Variants in SLC25A26 observed in about 807,000 individuals in gnomAD.
The protein encoded by SLC25A26 is solute carrier family 25 member 26.
SLC25A26 carries 36 observed loss-of-function variants against 37.8 expected under a neutral mutation model. The ratio of observed to expected loss-of-function variants is 0.95; its 90% CI spans 0.73 to 1.26. SLC25A26 has a LOEUF of 1.26. Among genes scored for constraint, SLC25A26 ranks in the 50% most tolerant of loss-of-function variants. The pLI, the probability that SLC25A26 is intolerant of heterozygous loss-of-function variation, is 0.00. For synonymous variants in SLC25A26, 129 were observed against 122.5 expected (o/e 1.05, Z -0.35); for missense variants, 390 against 331.1 (o/e 1.18, Z -1.38).
intron 1 of SLC25A26, among the ~76,000 whole-genome samples, chr3:66,169,405 G>A (rs2070465769): frequency 6.6e-6 from 1 of 152,150 alleles, no homozygotes; most frequent in Non-Finnish European, 1.5e-5. Flanking sequence ...CCTCTGCCTT[G>A]AAGTGCCGTT....
chr3:66,352,823 A>T (rs1164609923), intron 6 of SLC25A26, among the ~76,000 whole-genome samples: 2 of 151,686 alleles, frequency 1.3e-5, no homozygotes, highest in Non-Finnish European at 2.9e-5. Flanking sequence ...CCCATTACTC[A>T]GGCCTTAGAT....
At chr3:66,352,240 A>C (rs902770444) in intron 6 of SLC25A26, among the ~76,000 whole-genome samples, 4 of 152,042 alleles carry the variant, frequency 2.6e-5, no homozygotes, top group Admixed American at 2.6e-4. Context: ...AGACCATACT[A>C]TTCCTTGCTA....
intron 5 of SLC25A26, among the ~76,000 whole-genome samples, chr3:66,274,229 C>A (rs1202455764): frequency 6.6e-6 from 1 of 151,970 alleles, no homozygotes; most frequent in Non-Finnish European, 1.5e-5. Flanking sequence ...CCCTTCCTTA[C>A]ACCTTATACA....
intron 1 of SLC25A26, among the ~76,000 whole-genome samples, chr3:66,200,649 A>G (rs2071097273): frequency 6.6e-6 from 1 of 152,260 alleles, no homozygotes; most frequent in Non-Finnish European, 1.5e-5. Context: ...GGTCTCCCAC[A>G]GAAGAAAGCT....
intron 1 of SLC25A26, 101 bp from the exon 2 acceptor site, chr3:66,236,443 T>C: frequency 1.2e-6 from 1 of 857,646 alleles, no homozygotes; most frequent in Non-Finnish European, 1.6e-6. Context: ...ATGAGAAATG[T>C]GCTTTAAAGA....
intron 1 of SLC25A26, among the ~76,000 whole-genome samples, chr3:66,145,816 C>T (rs1420402594): frequency 6.6e-6 from 1 of 151,982 alleles, no homozygotes; most frequent in Admixed American, 6.6e-5. Context: ...TATTTTTCCT[C>T]GCCTGAGTAA....
chr3:66,281,069 T>C (rs895852907), intron 5 of SLC25A26, among the ~76,000 whole-genome samples: 5 of 152,228 alleles, frequency 3.3e-5, no homozygotes, highest in Non-Finnish European at 5.9e-5. Flanking sequence ...CCAACCTTTT[T>C]TATTTCCTCC....
intron 5 of SLC25A26, among the ~76,000 whole-genome samples, chr3:66,321,087 A>C (rs917668149): frequency 2.0e-5 from 3 of 152,182 alleles, no homozygotes; most frequent in Non-Finnish European, 2.9e-5. Flanking sequence ...AGAGAGAAAG[A>C]GAGCACATGC....
chr3:66,253,346 G>T (rs1239232833), intron 3 of SLC25A26, among the ~76,000 whole-genome samples: 7 of 151,284 alleles, frequency 4.6e-5, no homozygotes, highest in Non-Finnish European at 1.0e-4. Context: ...GGGAGGTGGA[G>T]CTTGCAGATC....
chr3:66,198,374 G>C (rs1032945336), intron 1 of SLC25A26, among the ~76,000 whole-genome samples: 3 of 151,958 alleles, frequency 2.0e-5, no homozygotes, highest in African/African-American at 7.3e-5. Flanking sequence ...CATGAACGGA[G>C]TGAATGTCAG....
intron 1 of SLC25A26, among the ~76,000 whole-genome samples, chr3:66,195,679 A>G (rs1215009810): frequency 6.6e-6 from 1 of 152,200 alleles, no homozygotes; most frequent in Non-Finnish European, 1.5e-5. Flanking sequence ...TTAGGGGTGT[A>G]TTACAGTAGG....
intron 7 of SLC25A26, among the ~76,000 whole-genome samples, chr3:66,364,038 T>G (rs1260868547): frequency 6.6e-6 from 1 of 152,070 alleles, no homozygotes; most frequent in African/African-American, 2.4e-5. Context: ...TTGTAGACAC[T>G]CTCCTGGGCC....
intron 1 of SLC25A26, among the ~76,000 whole-genome samples, chr3:66,183,050 G>C (rs535095850): frequency 8.0e-4 from 122 of 152,074 alleles, no homozygotes; most frequent in Non-Finnish European, 1.5e-3. Flanking sequence ...TAAGGCCTAG[G>C]GTGTGTTTTG....
rs540691373 is a variant in SLC25A26, at chr3:66,331,075, TATTA to T, written c.454-15284_454-15281del. Among the ~76,000 whole-genome samples the T allele has an allele frequency of 3.0e-3, 452 of 152,234 alleles. 5 individuals carry two copies. The highest frequency in any genetic ancestry group is 0.011 in the African/African-American group (438 of 41,572). Reference sequence around the variant, plus strand: ...TTAAGAGAGCCTTATTTAAAGTGCTTATTAATTATTGTTTAGTTTTTATATCTAT... The same window carrying T: ...TTAAGAGAGCCTTATTTAAAGTGCTTATTATTGTTTAGTTTTTATATCTAT... On this transcript the variant is annotated intron_variant, in intron 5 of 9. Coordinates refer to ENST00000354883, the MANE Select transcript of SLC25A26 (RefSeq NM_001379210.1).
In SLC25A26 at chr3:66,377,451, G is replaced by C. The variant is rs991030343; in HGVS notation, c.708-239G>C. Among the ~76,000 whole-genome samples, 45 of 151,886 alleles carry C rather than the reference G, an allele frequency of 3.0e-4. 1 individual carries two copies. The highest frequency in any genetic ancestry group is 1.0e-3 in the African/African-American group (42 of 41,344). On this transcript the variant is annotated intron_variant, in intron 9 of 9. Transcript: ENST00000354883. ...GCCTTCCAGCCTTACCTAGGATTCA[G>C]CTCTTTAACACCTTTTTAAAAAAAA...
At chr3:66,167,101 CT>C (rs1341041207) in intron 1 of SLC25A26, among the ~76,000 whole-genome samples, 26 of 152,224 alleles carry the variant, frequency 1.7e-4, no homozygotes, top group Non-Finnish European at 3.5e-4. Context: ...TCCATTAAAT[CT>C]CTTTTTCCTT....
intron 5 of SLC25A26, among the ~76,000 whole-genome samples, chr3:66,281,916 A>C (rs1576786953): frequency 7.0e-6 from 1 of 142,092 alleles, no homozygotes; most frequent in Non-Finnish European, 1.5e-5. Flanking sequence ...TCCGCCTCCC[A>C]GGTTCAAGCG....
intron 1 of SLC25A26, among the ~76,000 whole-genome samples, chr3:66,211,139 C>G (rs2071279495): frequency 6.6e-6 from 1 of 152,148 alleles, no homozygotes; most frequent in Admixed American, 6.5e-5. Context: ...ATTCACTCAT[C>G]TTTTACAAGA....
intron 1 of SLC25A26, among the ~76,000 whole-genome samples, chr3:66,144,456 T>G (rs1051533513): frequency 6.6e-6 from 1 of 152,186 alleles, no homozygotes; most frequent in African/African-American, 2.4e-5. Flanking sequence ...CACTTCTCAG[T>G]TAGGGCCTAG....
Sources: allele counts gnomAD v4.1 joint callset (sites outside exome capture counted in the v4.1 genomes callset), GRCh38; gene constraint gnomAD v4.1.1; transcripts MANE v1.5; gene names NCBI Gene and HGNC (gene_info 2026-07-23, HGNC 2026-07-21).